The following DENND11 variants were observed in gnomAD, a reference collection of about 807,000 sequenced individuals.
The protein encoded by DENND11 is DENN domain-containing protein 11.
In DENND11, 34 loss-of-function variants were observed where a neutral mutation model predicts 49.2. The observed-to-expected ratio is 0.69, with a 90% CI of 0.53 to 0.92. The LOEUF (loss-of-function observed/expected upper bound fraction) is 0.92, where lower values mean the gene tolerates loss of function less well. Ranked by LOEUF, DENND11 falls within the 40% of genes least tolerant of loss-of-function variation. The pLI is 0.00. For synonymous variants in DENND11, 238 were observed against 230.3 expected, an observed-to-expected ratio of 1.03 and a Z score of -0.30; for missense variants, 475 against 581.6, an observed-to-expected ratio of 0.82 and a Z score of 1.88.
intron 4 of DENND11, among the ~76,000 whole-genome samples, chr7:141,670,165 T>C (rs1797958668): frequency 6.6e-6 from 1 of 152,192 alleles, no homozygotes; most frequent in Admixed American, 6.5e-5. Flanking sequence ...CTGCCTTTTT[T>C]GTACATGTAA....
intron 3 of DENND11, among the ~76,000 whole-genome samples, chr7:141,677,431 A>G (rs919851337): frequency 7.0e-6 from 1 of 143,302 alleles, no homozygotes; most frequent in East Asian, 2.0e-4. Context: ...ATACACATAT[A>G]TATGTGTGTG....
At position 141,686,461 on chromosome 7, in the gene DENND11, A is replaced by G; in HGVS notation, c.368+98T>C. Reference sequence around the variant, plus strand: ...ATGTATTTTCAAGGCATTTACACACAGCACACGAAGACCTCCTAATAAGAG... The same window carrying G: ...ATGTATTTTCAAGGCATTTACACACGGCACACGAAGACCTCCTAATAAGAG... On this transcript the variant is annotated intron_variant, in intron 2 of 8. Coordinates refer to ENST00000536163, the MANE Select transcript of DENND11 (RefSeq NM_001080392.2). The G allele has an allele frequency of 4.2e-6, 3 of 714,256 alleles. No individual in the cohort carries two copies. In the South Asian group the frequency reaches 4.8e-5, roughly 11 times the overall value. The allele number at this position is 714,256 out of a possible 1,614,324, so 44.2% of individuals were successfully genotyped here.
chr7:141,684,657 A>G (rs900051489), intron 3 of DENND11, among the ~76,000 whole-genome samples: 1 of 152,224 alleles, frequency 6.6e-6, no homozygotes, highest in Non-Finnish European at 1.5e-5. Context: ...ATGTTTACGT[A>G]GTGATAAATT....
chr7:141,701,747 C>T, intron 1 of DENND11, 139 bp downstream of exon 1: 1 of 713,176 alleles, frequency 1.4e-6, no homozygotes, highest in East Asian at 5.1e-5. Context: ...TCCCCAAGCC[C>T]GGGAGCCCGG....
intron 1 of DENND11, among the ~76,000 whole-genome samples, chr7:141,692,794 G>A (rs1232920245): frequency 6.6e-6 from 1 of 152,096 alleles, no homozygotes; most frequent in Non-Finnish European, 1.5e-5. Context: ...ACAAGGAGCT[G>A]TGCTCACTCC....
chr7:141,662,788 G>T lies in DENND11; in HGVS notation c.1236C>A (p.Asp412Glu). ...QTLLEVSASQ[D>E]KTLTAEHARG... is the part of the protein sequence containing the mutation. ...GGGCATGCTCTGCTGTCAGAGTTTTGTCTTGACTGGCAGACACCTCCAACA... is the reference window on the plus strand; with the variant it reads ...GGGCATGCTCTGCTGTCAGAGTTTTTTCTTGACTGGCAGACACCTCCAACA... The change falls in exon 9 of 9, where the codon GAC (aspartate) becomes GAA (glutamate). Residue 412 changes from aspartate (D) to glutamate (E), a missense_variant. By Grantham distance (45) the Asp-to-Glu change is conservative. Coordinates refer to ENST00000536163, the MANE Select transcript of DENND11 (RefSeq NM_001080392.2). 1.9e-6 allele frequency: 3 copies of T among 1,603,054 alleles called. No homozygotes were observed. Among genetic ancestry groups the T allele is most frequent in the Non-Finnish European group, 2.6e-6 (3 of 1,174,608 alleles).
chr7:141,680,660 CA>C (rs1798135766), intron 3 of DENND11, among the ~76,000 whole-genome samples: 1 of 151,526 alleles, frequency 6.6e-6, no homozygotes, highest in Middle Eastern at 3.4e-3. Context: ...TTCCAGATCC[CA>C]GAAGTTGAAC....
chr7:141,664,285 C>T (rs757896935), intron 7 of DENND11, 45 bp from the exon 8 acceptor site: 103 of 1,495,816 alleles, frequency 6.9e-5, no homozygotes, highest in Non-Finnish European at 8.3e-5. Context: ...GTACCAGGAC[C>T]GCAGTCACAG....
rs1219716056 is a variant in DENND11, at chr7:141,684,282, T to C, written c.527+1196A>G. On this transcript the variant is annotated intron_variant, in intron 3 of 8. Transcript: ENST00000536163. ...GTTTCCCAGTAAAGTACTGACACCA[T>C]ATTGTCACGTTTTTCATAATTGTTT... Among the ~76,000 whole-genome samples, 5 of 152,240 alleles carry C rather than the reference T, an allele frequency of 3.3e-5. No individual in the cohort carries two copies. The South Asian group carries it at 1.0e-3, about 31-fold the overall frequency.
intron 3 of DENND11, among the ~76,000 whole-genome samples, chr7:141,678,369 A>T (rs1459666896): frequency 1.3e-5 from 2 of 152,228 alleles, no homozygotes; most frequent in African/African-American, 4.8e-5. Context: ...TTAACAGTAG[A>T]TATGTCTGGC....
intron 1 of DENND11, among the ~76,000 whole-genome samples, chr7:141,697,951 A>C (rs1322239623): frequency 6.6e-6 from 1 of 152,192 alleles, no homozygotes; most frequent in Non-Finnish European, 1.5e-5. Flanking sequence ...GAAAGGGAGA[A>C]ACATCTTGAA....
chr7:141,668,000 G>A (rs1221213623), intron 4 of DENND11, among the ~76,000 whole-genome samples: 1 of 152,218 alleles, frequency 6.6e-6, no homozygotes, highest in East Asian at 1.9e-4. Flanking sequence ...TCTCTTCAAA[G>A]TCTAACAGCA....
chr7:141,685,807 T>C (rs1284866517), intron 2 of DENND11, among the ~76,000 whole-genome samples, 171 bp from the exon 3 acceptor site: 1 of 152,130 alleles, frequency 6.6e-6, no homozygotes, highest in Non-Finnish European at 1.5e-5. Context: ...AGAGATTACA[T>C]AACTTGCCAA....
At chr7:141,681,218 T>A (rs750088903) in intron 3 of DENND11, among the ~76,000 whole-genome samples, 35 of 152,232 alleles carry the variant, frequency 2.3e-4, no homozygotes, top group Non-Finnish European at 2.1e-4. Context: ...GCCCCTTGTA[T>A]GCTTTTAGTG....
Position 141,664,940 on chromosome 7 carries a change from G to C in DENND11, c.1067C>G (p.Ala356Gly), listed in dbSNP as rs1171217643. The C allele has an allele frequency of 1.9e-6, 3 of 1,613,160 alleles. No homozygotes were observed. Among genetic ancestry groups the C allele is most frequent in the Admixed American group, 3.3e-5 (2 of 59,922 alleles). Residue 356 changes from alanine (A) to glycine (G), a missense_variant, in exon 7 of 9, where the codon GCT becomes GGT. Ala to Gly is a moderately conservative substitution (Grantham distance 60). Transcript: ENST00000536163. ...GAGCCGGCGGTACTTCTCCCTGTCAGCACTGTTGATCTTCAGCAGCGGCTG... is the reference window on the plus strand; with the variant it reads ...GAGCCGGCGGTACTTCTCCCTGTCACCACTGTTGATCTTCAGCAGCGGCTG... ...HLQPLLKINS[A>G]DREKYRRLNE...
At chr7:141,676,933 G>GCTT (rs1194183715) in intron 3 of DENND11, among the ~76,000 whole-genome samples, 2 of 152,112 alleles carry the variant, frequency 1.3e-5, no homozygotes, top group African/African-American at 2.4e-5. Flanking sequence ...GAAGCCATAG[G>GCTT]CTGCTGGGCC....
intron 3 of DENND11, among the ~76,000 whole-genome samples, chr7:141,681,331 C>T (rs1369296442): frequency 2.0e-5 from 3 of 152,146 alleles, no homozygotes; most frequent in African/African-American, 7.2e-5. Flanking sequence ...CTAAATTTGG[C>T]AATATAAATC....
At position 141,664,183 on chromosome 7, in the gene DENND11, G is replaced by A; in HGVS notation, c.1161C>T (p.Asp387=). 1 of 1,581,752 alleles carries A rather than the reference G, an allele frequency of 6.3e-7. No homozygotes were observed. Among genetic ancestry groups the A allele is most frequent in the Non-Finnish European group, 8.6e-7 (1 of 1,162,304 alleles). The change falls in exon 8 of 9, where the codon GAC becomes GAT. Residue 387 remains aspartate (D), a synonymous_variant. Coordinates refer to ENST00000536163, the MANE Select transcript of DENND11 (RefSeq NM_001080392.2). ...VEEDYNPCEE[D]LFVLFFLEQN... ...GCCCCAGGACTCACAGCACGAAGAGGTCCTCTTCACAAGGGTTGTAGTCTT... is the reference window on the plus strand; with the variant it reads ...GCCCCAGGACTCACAGCACGAAGAGATCCTCTTCACAAGGGTTGTAGTCTT...
At chr7:141,669,092 A>C (rs1797938287) in intron 4 of DENND11, among the ~76,000 whole-genome samples, 2 of 145,238 alleles carry the variant, frequency 1.4e-5, no homozygotes, top group African/African-American at 2.6e-5. Flanking sequence ...TCCCTCTCCC[A>C]CTCCCCCATT....
Sources: allele counts gnomAD v4.1 joint callset (sites outside exome capture counted in the v4.1 genomes callset), GRCh38; gene constraint gnomAD v4.1.1; transcripts MANE v1.5; gene names NCBI Gene and HGNC (gene_info 2026-07-23, HGNC 2026-07-21).